MSRA: variants seen among roughly 807,000 people sequenced by gnomAD.
The protein encoded by MSRA is mitochondrial peptide methionine sulfoxide reductase.
A neutral mutation model predicts 31.3 loss-of-function variants in MSRA; 54 were observed. The ratio of observed to expected loss-of-function variants is 1.73; its 90% CI spans 1.39 to 2.17. MSRA has a LOEUF of 2.17. Among genes scored for constraint, MSRA ranks in the 30% most tolerant of loss-of-function variants. The pLI, the probability that MSRA is intolerant of heterozygous loss-of-function variation, is 0.00. For missense variants in MSRA, 507 were observed against 300.9 expected (o/e 1.69, Z -5.07); for synonymous variants, 169 against 116.5 (o/e 1.45, Z -2.90).
chr8:10,370,998 C>A (rs1339649758), intron 5 of MSRA, among the ~76,000 whole-genome samples: 1 of 152,178 alleles, frequency 6.6e-6, no homozygotes, highest in Non-Finnish European at 1.5e-5. Flanking sequence ...TGCCACAATT[C>A]AAATCCACCC....
intron 1 of MSRA, among the ~76,000 whole-genome samples, chr8:10,101,800 T>C (rs941409562): frequency 2.0e-5 from 3 of 152,214 alleles, no homozygotes; most frequent in Non-Finnish European, 4.4e-5. Context: ...AGTGGAAACT[T>C]GGGTTGCTTC....
At chr8:10,281,660 A>G (rs1799630093) in intron 3 of MSRA, among the ~76,000 whole-genome samples, 1 of 151,920 alleles carries the variant, frequency 6.6e-6, no homozygotes, top group South Asian at 2.1e-4. Context: ...GCTACAGGGG[A>G]AAATGGTATC....
intron 3 of MSRA, among the ~76,000 whole-genome samples, chr8:10,264,935 C>T (rs1205225805): frequency 2.0e-5 from 3 of 152,056 alleles, no homozygotes; most frequent in African/African-American, 7.2e-5. Flanking sequence ...GCTTGAAACC[C>T]ATCTCTCAGT....
At chr8:10,305,257 G>C (rs186919121) in intron 4 of MSRA, among the ~76,000 whole-genome samples, 1 of 152,132 alleles carries the variant, frequency 6.6e-6, no homozygotes, top group Non-Finnish European at 1.5e-5. Context: ...AAGAATGTAA[G>C]CTTAGAGTCC....
At chr8:10,203,669 T>C (rs556443382) in intron 1 of MSRA, among the ~76,000 whole-genome samples, 1 of 152,242 alleles carries the variant, frequency 6.6e-6, no homozygotes, top group East Asian at 1.9e-4. Context: ...TAAACAATGA[T>C]GTTACTGGCT....
At chr8:10,235,593 C>T (rs1420475421) in intron 2 of MSRA, among the ~76,000 whole-genome samples, 1 of 152,018 alleles carries the variant, frequency 6.6e-6, no homozygotes, top group South Asian at 2.1e-4. Context: ...TCAGTGAAAC[C>T]CAAGGTTTGC....
At chr8:10,085,503 G>A (rs534618545) in intron 1 of MSRA, among the ~76,000 whole-genome samples, 2 of 152,212 alleles carry the variant, frequency 1.3e-5, no homozygotes, top group South Asian at 4.1e-4. Context: ...TTTAGGTGGG[G>A]ACAGTGTCTT....
intron 1 of MSRA, among the ~76,000 whole-genome samples, chr8:10,192,691 C>A (rs1255800668): frequency 1.3e-5 from 2 of 152,144 alleles, no homozygotes; most frequent in Non-Finnish European, 2.9e-5. Flanking sequence ...ACCAGCTTGA[C>A]CAGTATGTAA....
intron 1 of MSRA, among the ~76,000 whole-genome samples, chr8:10,088,913 A>C (rs1435599375): frequency 6.6e-6 from 1 of 152,244 alleles, no homozygotes; most frequent in African/African-American, 2.4e-5. Context: ...TCTCACTTAT[A>C]TGAAATATTT....
At chr8:10,395,823 A>G (rs1020607805) in intron 5 of MSRA, among the ~76,000 whole-genome samples, 5 of 152,226 alleles carry the variant, frequency 3.3e-5, no homozygotes, top group Admixed American at 2.6e-4. Context: ...TGTGGGTTTC[A>G]GAGGCACATA....
At chr8:10,141,999 C>A (rs1042699874) in intron 1 of MSRA, among the ~76,000 whole-genome samples, 1 of 152,152 alleles carries the variant, frequency 6.6e-6, no homozygotes, top group Non-Finnish European at 1.5e-5. Flanking sequence ...GCACTTGTTT[C>A]CCAGTCTGGA....
intron 5 of MSRA, among the ~76,000 whole-genome samples, chr8:10,426,411 A>G (rs1228774363): frequency 6.6e-6 from 1 of 152,262 alleles, no homozygotes; most frequent in African/African-American, 2.4e-5. Context: ...TGAAATTGCC[A>G]AAAGTCATTG....
chr8:10,244,821 T>G (rs749275815), intron 2 of MSRA, among the ~76,000 whole-genome samples: 1 of 152,222 alleles, frequency 6.6e-6, no homozygotes, highest in Non-Finnish European at 1.5e-5. Flanking sequence ...CTTACTGTGT[T>G]ATTTGGAAAT....
intron 1 of MSRA, among the ~76,000 whole-genome samples, chr8:10,180,297 G>A (rs1005455801): frequency 3.3e-5 from 5 of 152,226 alleles, no homozygotes; most frequent in African/African-American, 9.6e-5. Context: ...TGGAAGAGGT[G>A]CATAGGTCAG....
At chr8:10,090,914 C>T (rs1187717024) in intron 1 of MSRA, among the ~76,000 whole-genome samples, 1 of 152,224 alleles carries the variant, frequency 6.6e-6, no homozygotes, top group Non-Finnish European at 1.5e-5. Flanking sequence ...AGCCCAACAA[C>T]ATTGTATCCG....
At chr8:10,235,238 A>C (rs1374646979) in intron 2 of MSRA, among the ~76,000 whole-genome samples, 1 of 152,174 alleles carries the variant, frequency 6.6e-6, no homozygotes, top group Admixed American at 6.5e-5. Context: ...GATGCAATCA[A>C]ATCGGAAATA....
intron 2 of MSRA, among the ~76,000 whole-genome samples, chr8:10,236,745 T>C (rs1211663112): frequency 6.6e-5 from 10 of 152,124 alleles, no homozygotes; most frequent in Admixed American, 1.3e-4. Flanking sequence ...GGGGTTTTAC[T>C]ATGTTGGCCA....
At chr8:10,382,487 C>G (rs1368027231) in intron 5 of MSRA, among the ~76,000 whole-genome samples, 1 of 152,206 alleles carries the variant, frequency 6.6e-6, no homozygotes, top group Non-Finnish European at 1.5e-5. Flanking sequence ...AGGAGGCAGG[C>G]TTTGAGTGCC....
intron 5 of MSRA, among the ~76,000 whole-genome samples, chr8:10,388,145 AT>A (rs1210724890): frequency 1.3e-5 from 2 of 152,194 alleles, no homozygotes; most frequent in Non-Finnish European, 2.9e-5. Context: ...GGGATAAGTA[AT>A]TCAAAGAGGT....
Sources: gnomAD v4.1 joint callset for allele counts (sites outside exome capture counted in the v4.1 genomes callset) on GRCh38, gnomAD v4.1.1 for gene constraint, MANE v1.5 for transcripts, NCBI Gene and HGNC (gene_info 2026-07-23, HGNC 2026-07-21) for gene names.